PACS1: variants seen among roughly 807,000 people sequenced by gnomAD.
PACS1 encodes PACS-1.
Under a neutral mutation model 115.0 loss-of-function variants are expected in PACS1, and 24 were observed. The ratio of observed to expected loss-of-function variants is 0.21; its 90% CI spans 0.15 to 0.29. The LOEUF is 0.29. Ranked by LOEUF, PACS1 falls within the 10% of genes least tolerant of loss-of-function variation. PACS1 has a pLI of 1.00. For synonymous variants in PACS1, 453 were observed against 504.5 expected (o/e 0.90, Z 1.37); for missense variants, 838 against 1,251.2 (o/e 0.67, Z 4.98).
rs777851528 is a variant in PACS1 at position 66,220,811 on chromosome 11, GC to G, written c.1199+21del. 2 of 1,611,272 alleles carry G rather than the reference GC, an allele frequency of 1.2e-6. No homozygotes were observed. Among genetic ancestry groups the G allele is most frequent in the South Asian group, 2.2e-5 (2 of 90,570 alleles). On this transcript the variant is annotated intron_variant, in intron 9 of 23. Transcript: ENST00000320580. ...GCTCAAGTGAGCCCCCCTCTCTGTA[GC>G]TGGCCTCCAGACTCTCCTTCCTGGC...
chr11:66,070,441 C>G lies in PACS1; in HGVS notation c.-46C>G, dbSNP rs1444641315. Reference sequence around the variant, plus strand: ...GCCGCCGCGGGGGAAGCCTGGGAGCCAGATCGGCGTCGCCTCGGCCTCCGT... The same window carrying G: ...GCCGCCGCGGGGGAAGCCTGGGAGCGAGATCGGCGTCGCCTCGGCCTCCGT... On this transcript the variant is annotated 5_prime_UTR_variant, in exon 1 of 24. Transcript: ENST00000320580. The surrounding 1 kb of genome is among the most constrained non-coding windows in gnomAD (Gnocchi z 5.9). 8.8e-7 allele frequency: 1 copy of G among 1,132,728 alleles called. No individual in the cohort carries two copies. Among genetic ancestry groups the G allele is most frequent in the Non-Finnish European group, 1.1e-6 (1 of 900,444 alleles). 70.2% of individuals were successfully genotyped at this position (1,132,728 alleles called of 1,614,324 possible).
At position 66,235,348 on chromosome 11, in the gene PACS1, G is replaced by A; in HGVS notation, c.2152G>A (p.Ala718Thr). ...GGTGATGCAGTACGTCAACGGGGCA[G>A]CCACGACACACCAGCTTCCCGTGGC... The part of the protein sequence containing the change: ...GRVMQYVNGA[A>T]TTHQLPVAEA... Residue 718 changes from alanine (A) to threonine (T), a missense_variant, in exon 18 of 24, where the codon GCC becomes ACC. By Grantham distance (58) the Ala-to-Thr change is moderately conservative. Around this residue, in one of 6 missense-constraint regions of PACS1, gnomAD observed 383 missense variants for 537.0 expected, o/e 0.71. Transcript: ENST00000320580. The surrounding 1 kb of genome is among the most constrained non-coding windows in gnomAD (Gnocchi z 5.6). 1 of 1,614,088 alleles carries A rather than the reference G, an allele frequency of 6.2e-7. No individual in the cohort carries two copies. The highest frequency in any genetic ancestry group is 8.5e-7 in the Non-Finnish European group (1 of 1,179,966).
At chr11:66,168,778 G>T (rs1023582295) in intron 1 of PACS1, among the ~76,000 whole-genome samples, 1 of 149,132 alleles carries the variant, frequency 6.7e-6, no homozygotes, top group Non-Finnish European at 1.5e-5. Flanking sequence ...GTGTGTGTGT[G>T]TATACATTTA....
Position 66,236,257 on chromosome 11 carries a change from T to C in PACS1, c.2250+317T>C, listed in dbSNP as rs1349596313. Among the ~76,000 whole-genome samples, 2 of 152,124 alleles carry C rather than the reference T, an allele frequency of 1.3e-5. No homozygotes were observed. Among genetic ancestry groups the C allele is most frequent in the Non-Finnish European group, 2.9e-5 (2 of 68,006 alleles). ...GCCGGACATGGATTGGGCTGTCCCT[T>C]TTAGTGTCCGCCTTTTCCAAATCAC... On this transcript the variant is annotated intron_variant, in intron 19 of 23. Transcript: ENST00000320580. This position sits in a 1 kb window ranked among gnomAD's most constrained non-coding sequence, Gnocchi z 4.2.
intron 1 of PACS1, among the ~76,000 whole-genome samples, chr11:66,075,839 G>A (rs1168480594): frequency 6.7e-6 from 1 of 149,132 alleles, no homozygotes; most frequent in Non-Finnish European, 1.5e-5. Flanking sequence ...CTGGGTTCAC[G>A]CCATTCTCCT....
chr11:66,184,916 C>T (rs1334568544), intron 1 of PACS1, among the ~76,000 whole-genome samples: 1 of 152,152 alleles, frequency 6.6e-6, no homozygotes, highest in Non-Finnish European at 1.5e-5. Context: ...GTCCTTCCTG[C>T]TGGTGGCAAT....
chr11:66,082,310 G>C (rs577976522), intron 1 of PACS1, among the ~76,000 whole-genome samples: 1 of 151,950 alleles, frequency 6.6e-6, no homozygotes, highest in Non-Finnish European at 1.5e-5. Context: ...CTGCAGCCTC[G>C]AATTCCTGGA....
intron 10 of PACS1, among the ~76,000 whole-genome samples, chr11:66,225,885 G>A (rs1055112819): frequency 6.6e-6 from 1 of 152,142 alleles, no homozygotes; most frequent in Non-Finnish European, 1.5e-5. Flanking sequence ...AATGTTGGCC[G>A]AGGCTGGGCG....
chr11:66,167,333 C>CTTTT lies in PACS1; in HGVS notation c.357-26138_357-26135dup, dbSNP rs762768413. 5.1e-4 allele frequency among the ~76,000 whole-genome samples: 52 copies of CTTTT among 101,126 alleles called. 4 individuals are homozygous for CTTTT. Among genetic ancestry groups the CTTTT allele is most frequent in the African/African-American group, 1.3e-3 (30 of 23,626 alleles). 66.3% of individuals were successfully genotyped at this position (101,126 alleles called of 152,430 possible). On this transcript the variant is annotated intron_variant, in intron 1 of 23. Coordinates refer to ENST00000320580, the MANE Select transcript of PACS1 (RefSeq NM_018026.4). Reference sequence around the variant, plus strand: ...CTCTGGGTTCATGGCTTTGGCTTGTCTTTTTTTTTTTTTTTTTTGTTGAGA... The same window carrying CTTTT: ...CTCTGGGTTCATGGCTTTGGCTTGTCTTTTTTTTTTTTTTTTTTTTTTGTTGAGA...
intron 1 of PACS1, among the ~76,000 whole-genome samples, chr11:66,109,896 C>T (rs1475512202): frequency 6.6e-6 from 1 of 152,174 alleles, no homozygotes; most frequent in African/African-American, 2.4e-5. Context: ...AGCATTAATA[C>T]TCTGTTTATG....
chr11:66,152,219 A>G (rs1244823010), intron 1 of PACS1, among the ~76,000 whole-genome samples: 1 of 152,108 alleles, frequency 6.6e-6, no homozygotes, highest in Non-Finnish European at 1.5e-5. Flanking sequence ...GGCTGACAAC[A>G]TGTCTCAAAA....
At chr11:66,152,562 A>G (rs562595893) in intron 1 of PACS1, among the ~76,000 whole-genome samples, 2 of 152,374 alleles carry the variant, frequency 1.3e-5, no homozygotes, top group Admixed American at 6.5e-5. Flanking sequence ...ACTCATAGGC[A>G]TATCATAGTC....
At chr11:66,123,633 T>G (rs1022530347) in intron 1 of PACS1, among the ~76,000 whole-genome samples, 13 of 152,246 alleles carry the variant, frequency 8.5e-5, no homozygotes, top group African/African-American at 2.4e-4. Flanking sequence ...GCCATTCTCC[T>G]GCCTCAGCCT....
intron 1 of PACS1, among the ~76,000 whole-genome samples, 162 bp from the exon 2 acceptor site, chr11:66,193,324 A>T (rs1854571476): frequency 1.3e-5 from 2 of 152,272 alleles, no homozygotes; most frequent in South Asian, 4.1e-4. Context: ...ATAAACATTA[A>T]GTAAGAGGGG....
chr11:66,198,504 C>T (rs1854698149), intron 2 of PACS1, among the ~76,000 whole-genome samples: 1 of 139,456 alleles, frequency 7.2e-6, no homozygotes, highest in African/African-American at 2.6e-5. Context: ...AAGCAAGACA[C>T]AAAAAACCAC....
At chr11:66,242,041 G>GAGGCCTCTTT (rs1855826361) in intron 22 of PACS1, among the ~76,000 whole-genome samples, 1 of 152,224 alleles carries the variant, frequency 6.6e-6, no homozygotes, top group African/African-American at 2.4e-5. Context: ...CCCAGCCCTG[G>GAGGCCTCTTT]AGGCCTCTCC....
intron 2 of PACS1, among the ~76,000 whole-genome samples, chr11:66,205,045 C>T (rs973812184): frequency 1.3e-5 from 2 of 151,894 alleles, no homozygotes; most frequent in African/African-American, 2.4e-5. Context: ...AGTGCAATGG[C>T]GCAATCTCAG....
chr11:66,153,195 A>T (rs1859283627), intron 1 of PACS1, among the ~76,000 whole-genome samples: 1 of 152,112 alleles, frequency 6.6e-6, no homozygotes, highest in African/African-American at 2.4e-5. Flanking sequence ...CACAAGGACA[A>T]TTATGGTGCA....
chr11:66,168,669 C>T (rs1218054715), intron 1 of PACS1, among the ~76,000 whole-genome samples: 2 of 150,030 alleles, frequency 1.3e-5, no homozygotes, highest in Non-Finnish European at 2.9e-5. Context: ...AGTAAATGCT[C>T]AGTTGTTGGT....
Sources: allele counts gnomAD v4.1 joint callset (sites outside exome capture counted in the v4.1 genomes callset), GRCh38; gene constraint gnomAD v4.1.1; regional missense constraint gnomAD v4.1.1; non-coding constraint Gnocchi (gnomAD v3.1); transcripts MANE v1.5; gene names NCBI Gene and HGNC (gene_info 2026-07-23, HGNC 2026-07-21).